The following GPR39 variants were observed in gnomAD, a reference collection of about 807,000 sequenced individuals.
The protein encoded by GPR39 is G protein-coupled receptor 39.
A neutral mutation model predicts 18.4 loss-of-function variants in GPR39; 23 were observed. That is an observed-to-expected ratio of 1.25 (90% CI 0.90 to 1.77). GPR39 has a LOEUF of 1.77. GPR39 is among the 40% of genes most tolerant of loss of function. The probability of loss-of-function intolerance (pLI) is 0.00; values close to 1 mark genes in which losing one functional copy is unlikely to be tolerated. For synonymous variants in GPR39, 280 were observed against 257.9 expected, an observed-to-expected ratio of 1.09 and a Z score of -0.82; for missense variants, 647 against 602.4, an observed-to-expected ratio of 1.07 and a Z score of -0.78.
At position 132,444,481 on chromosome 2, in the gene GPR39, T is replaced by C. The variant is rs535745324; in HGVS notation, c.856+26583T>C. 3.9e-5 allele frequency among the ~76,000 whole-genome samples: 6 copies of C among 152,282 alleles called. No homozygotes were observed. In the South Asian group the frequency reaches 1.2e-3, roughly 32 times the overall value. ...CTTTTATTTTTTGTAGAGATGGGGT[T>C]CTCACTATGTTGTGTAGGCTGATTT... On this transcript the variant is annotated intron_variant, in intron 1 of 1. Transcript: ENST00000329321.
At chr2:132,620,265 C>G (rs999682275) in intron 1 of GPR39, among the ~76,000 whole-genome samples, 5 of 152,202 alleles carry the variant, frequency 3.3e-5, no homozygotes, top group Admixed American at 2.6e-4. Context: ...CATGAGTTGT[C>G]TCAAGATGCC....
chr2:132,591,672 T>C (rs1243768631), intron 1 of GPR39, among the ~76,000 whole-genome samples: 1 of 152,164 alleles, frequency 6.6e-6, no homozygotes, highest in Non-Finnish European at 1.5e-5. Flanking sequence ...AATGTGACAA[T>C]TTATGGTGGA....
rs138934636 is a variant in GPR39 at position 132,637,226 on chromosome 2, G to T, written c.857-7875G>T. ...TGTCCTACAGCTTCCAGACAGGAGG[G>T]TCTATTTTAGAAATATGTGTTTGTT... is the stretch of plus-strand genomic sequence containing the variant. On this transcript the variant is annotated intron_variant, in intron 1 of 1. Transcript: ENST00000329321. Among the ~76,000 whole-genome samples the T allele has an allele frequency of 2.1e-3, 317 of 152,330 alleles. 3 individuals carry two copies. The highest frequency in any genetic ancestry group is 6.6e-3 in the African/African-American group (276 of 41,570).
intron 1 of GPR39, among the ~76,000 whole-genome samples, chr2:132,553,754 C>T (rs1680097640): frequency 1.3e-5 from 2 of 152,136 alleles, no homozygotes; most frequent in Admixed American, 6.5e-5. Context: ...GGCCTAGAAC[C>T]TGAACCCAGA....
At chr2:132,533,156 G>A (rs572547240) in intron 1 of GPR39, among the ~76,000 whole-genome samples, 27 of 152,194 alleles carry the variant, frequency 1.8e-4, no homozygotes, top group Non-Finnish European at 3.4e-4. Flanking sequence ...GTCCCAGGAC[G>A]CAAAATCAAT....
chr2:132,646,342 TCAGCCCAAATCCAAACGGA>T lies in GPR39; in HGVS notation c.*741_*759del. 2.6e-6 allele frequency: 3 copies of T among 1,168,294 alleles called. No individual in the cohort carries two copies. In the Middle Eastern group the frequency reaches 6.3e-4, roughly 245 times the overall value. 72.4% of individuals were successfully genotyped at this position (1,168,294 alleles called of 1,614,324 possible). ...ACCGGCAAAAGAATAGCTGTCCCTC[TCAGCCCAAATCCAAACGGA>T]CAGCTCTTCCTTACTCCTCCCACAG... On this transcript the variant is annotated 3_prime_UTR_variant, in exon 2 of 2. Transcript: ENST00000329321.
chr2:132,539,023 G>A (rs566963090), intron 1 of GPR39, among the ~76,000 whole-genome samples: 4 of 152,308 alleles, frequency 2.6e-5, no homozygotes, highest in East Asian at 1.9e-4. Flanking sequence ...CTTGCTGAGC[G>A]AGACCACTTG....
chr2:132,587,631 T>A (rs1027935817), intron 1 of GPR39, among the ~76,000 whole-genome samples: 1 of 152,134 alleles, frequency 6.6e-6, no homozygotes, highest in African/African-American at 2.4e-5. Context: ...TCCTGGGTTT[T>A]TAAGCAGCTC....
chr2:132,641,281 T>C (rs912628081), intron 1 of GPR39, among the ~76,000 whole-genome samples: 15 of 152,240 alleles, frequency 9.9e-5, no homozygotes, highest in African/African-American at 3.6e-4. Flanking sequence ...CTAACCCTGT[T>C]CCTCGCTATA....
chr2:132,502,108 T>C (rs1679049768), intron 1 of GPR39, among the ~76,000 whole-genome samples: 1 of 152,190 alleles, frequency 6.6e-6, no homozygotes, highest in African/African-American at 2.4e-5. Flanking sequence ...GGTACTATTC[T>C]ATTCATCGTG....
intron 1 of GPR39, among the ~76,000 whole-genome samples, chr2:132,549,355 T>C (rs1478236879): frequency 6.6e-6 from 1 of 152,178 alleles, no homozygotes; most frequent in Non-Finnish European, 1.5e-5. Flanking sequence ...TGTGCATTGG[T>C]CTTCCAAACT....
At chr2:132,538,879 C>T (rs1412994074) in intron 1 of GPR39, among the ~76,000 whole-genome samples, 1 of 152,200 alleles carries the variant, frequency 6.6e-6, no homozygotes, top group Non-Finnish European at 1.5e-5. Flanking sequence ...AAACCACCTA[C>T]TAGAGCCACA....
intron 1 of GPR39, among the ~76,000 whole-genome samples, chr2:132,443,131 A>G (rs1680470414): frequency 6.6e-6 from 1 of 152,236 alleles, no homozygotes; most frequent in African/African-American, 2.4e-5. Context: ...TTCAAATTTT[A>G]TACATTGAAT....
intron 1 of GPR39, chr2:132,604,836 G>A (rs1681104347): frequency 6.6e-6 from 1 of 152,302 alleles, no homozygotes; most frequent in Non-Finnish European, 1.5e-5. Context: ...CATGAAAAAT[G>A]CATGGTGCTT....
intron 1 of GPR39, among the ~76,000 whole-genome samples, chr2:132,464,327 G>A (rs1250523496): frequency 1.3e-5 from 2 of 152,204 alleles, no homozygotes; most frequent in East Asian, 3.8e-4. Context: ...TGAAGCTGGT[G>A]TCCTTAGAGA....
intron 1 of GPR39, among the ~76,000 whole-genome samples, chr2:132,456,843 G>C (rs577133447): frequency 6.6e-6 from 1 of 152,354 alleles, no homozygotes; most frequent in African/African-American, 2.4e-5. Flanking sequence ...TCTGCCGAGA[G>C]ATCCGCTGTT....
intron 1 of GPR39, among the ~76,000 whole-genome samples, chr2:132,429,100 C>T (rs2104757636): frequency 6.6e-6 from 1 of 152,312 alleles, no homozygotes; most frequent in Non-Finnish European, 1.5e-5. Context: ...AGCCAAAGGG[C>T]TGGCCTTTAT....
At chr2:132,584,960 G>T (rs927304872) in intron 1 of GPR39, among the ~76,000 whole-genome samples, 2 of 152,208 alleles carry the variant, frequency 1.3e-5, no homozygotes, top group South Asian at 2.1e-4. Flanking sequence ...TGAGCACGGG[G>T]GAAGGGGAGG....
At chr2:132,455,475 T>A (rs1162794883) in intron 1 of GPR39, among the ~76,000 whole-genome samples, 1 of 152,120 alleles carries the variant, frequency 6.6e-6, no homozygotes, top group Non-Finnish European at 1.5e-5. Context: ...TGTTTCTCTA[T>A]CTCTTTCAGT....
Sources: allele counts gnomAD v4.1 joint callset (sites outside exome capture counted in the v4.1 genomes callset), GRCh38; gene constraint gnomAD v4.1.1; transcripts MANE v1.5; gene names NCBI Gene and HGNC (gene_info 2026-07-23, HGNC 2026-07-21).